ACACA: variants seen among roughly 807,000 people sequenced by gnomAD.
The protein encoded by ACACA is acetyl-CoA carboxylase 1.
In ACACA, 103 loss-of-function variants were observed where a neutral mutation model predicts 296.1. The ratio of observed to expected loss-of-function variants is 0.35; its 90% CI spans 0.30 to 0.41. The LOEUF (loss-of-function observed/expected upper bound fraction) is 0.41. Ranked by LOEUF, ACACA falls within the 10% of genes least tolerant of loss-of-function variation. The pLI is 1.00. For synonymous variants in ACACA, 953 were observed against 1,038.6 expected (o/e 0.92, Z 1.58); for missense variants, 1,554 against 2,989.7 (o/e 0.52, Z 11.20).
At chr17:37,252,713 G>A (rs976474698) in intron 15 of ACACA, among the ~76,000 whole-genome samples, 173 bp downstream of exon 15, 16 of 152,160 alleles carry the variant, frequency 1.1e-4, no homozygotes, top group African/African-American at 3.9e-4. Context: ...ATGACTGTGT[G>A]ACACAAGCAC....
chr17:37,285,970 C>A (rs1325579634), intron 3 of ACACA, among the ~76,000 whole-genome samples: 1 of 152,188 alleles, frequency 6.6e-6, no homozygotes, highest in Non-Finnish European at 1.5e-5. Context: ...CAACTCACTA[C>A]AACCTTCGAC....
In ACACA at chr17:37,141,915, C is replaced by T. The variant is rs552630268; in HGVS notation, c.5679+7949G>A. 1.5e-4 allele frequency among the ~76,000 whole-genome samples: 22 copies of T among 151,668 alleles called. No homozygotes were observed. The East Asian group carries it at 4.3e-3, about 29-fold the overall frequency. Reference sequence around the variant, plus strand: ...CATGTTGGCCAGGCTGGTCTCAAACCACTGACCTCAGGTGATCCGCCTGCC... The same window carrying T: ...CATGTTGGCCAGGCTGGTCTCAAACTACTGACCTCAGGTGATCCGCCTGCC... On this transcript the variant is annotated intron_variant, in intron 45 of 55. Transcript: ENST00000616317.
chr17:37,267,008 C>T (rs2081812823), intron 10 of ACACA, among the ~76,000 whole-genome samples: 1 of 152,192 alleles, frequency 6.6e-6, no homozygotes, highest in African/African-American at 2.4e-5. Flanking sequence ...TCAGCCTACA[C>T]CTATGAGCCA....
intron 5 of ACACA, among the ~76,000 whole-genome samples, chr17:37,282,843 A>G (rs2082604332): frequency 6.6e-6 from 1 of 152,184 alleles, no homozygotes; most frequent in Non-Finnish European, 1.5e-5. Context: ...CGGTCCCAAA[A>G]GGTCTCTCCC....
intron 45 of ACACA, among the ~76,000 whole-genome samples, chr17:37,146,307 G>A (rs977761210): frequency 2.6e-5 from 4 of 152,078 alleles, no homozygotes; most frequent in Non-Finnish European, 5.9e-5. Flanking sequence ...GAAAATGCAT[G>A]TCTCTTCAGC....
At chr17:37,124,660 T>A (rs1398694249) in intron 48 of ACACA, among the ~76,000 whole-genome samples, 6 of 151,812 alleles carry the variant, frequency 4.0e-5, no homozygotes, top group Non-Finnish European at 8.8e-5. Context: ...AAGCCTGGGG[T>A]GAGATAAAAG....
At position 37,270,833 on chromosome 17, in the gene ACACA, A is replaced by G; in HGVS notation, c.1037T>C (p.Met346Thr). The G allele has an allele frequency of 6.2e-7, 1 of 1,613,814 alleles. No homozygotes were observed. ...TCCTCCTCCCTCTGAGGCCTTGATC[A>G]TTACTGGATATCCAACTTCCTCAGC... ...QAAEEVGYPV[M>T]IKASEGGGGK... Residue 346 changes from methionine (M) to threonine (T), a missense_variant, in exon 10 of 56, where the codon ATG becomes ACG. This residue lies in a region of ACACA where 82 missense variants were observed against 185.2 expected (regional missense o/e 0.44). Transcript: ENST00000616317.
At chr17:37,263,646 A>G (rs2081615505) in intron 11 of ACACA, 39 bp downstream of exon 11, 1 of 1,543,930 alleles carries the variant, frequency 6.5e-7, no homozygotes, top group Non-Finnish European at 9.0e-7. Flanking sequence ...AAAATGTTCT[A>G]TGTAAGAAAA....
At chr17:37,349,539 G>T (rs2048797504) in intron 1 of ACACA, among the ~76,000 whole-genome samples, 1 of 147,244 alleles carries the variant, frequency 6.8e-6, no homozygotes, top group African/African-American at 2.5e-5. Context: ...GTGCGCGCGT[G>T]TGTGTGTGTA....
chr17:37,376,193 A>G, intron 1 of ACACA: 1 of 1,530,212 alleles, frequency 6.5e-7, no homozygotes, highest in South Asian at 1.1e-5. Context: ...ATACAGAGAG[A>G]GGCCTAGAAA....
At chr17:37,370,179 T>C (rs1294804349) in intron 1 of ACACA, among the ~76,000 whole-genome samples, 1 of 151,640 alleles carries the variant, frequency 6.6e-6, no homozygotes, top group African/African-American at 2.4e-5. Flanking sequence ...CTAATTTTTG[T>C]ATATTTAGTA....
At chr17:37,289,524 A>G in intron 3 of ACACA, 1 of 1,349,998 alleles carries the variant, frequency 7.4e-7, no homozygotes, top group South Asian at 1.1e-5. Context: ...CGAGTATTTC[A>G]AAGTCTGAGG....
rs183391383 is a variant in ACACA, at chr17:37,151,224, T to C, written c.5568+77A>G. 7,886 of 1,537,906 alleles carry C rather than the reference T, an allele frequency of 5.1e-3. 25 individuals are homozygous for C. Among genetic ancestry groups the C allele is most frequent in the Non-Finnish European group, 6.2e-3 (6,881 of 1,116,026 alleles). On this transcript the variant is annotated intron_variant, in intron 44 of 55. Coordinates refer to ENST00000616317, the MANE Select transcript of ACACA (RefSeq NM_198834.3). Reference sequence around the variant, plus strand: ...AGAAATGCTCTCATTTGGGACTGAATAGCAGTGATAAGAGAAAAAAATAAA... The same window carrying C: ...AGAAATGCTCTCATTTGGGACTGAACAGCAGTGATAAGAGAAAAAAATAAA...
At chr17:37,287,675 G>A (rs1041917828) in intron 3 of ACACA, among the ~76,000 whole-genome samples, 50 of 151,612 alleles carry the variant, frequency 3.3e-4, no homozygotes, top group African/African-American at 1.1e-3. Context: ...CCCAGGGGGC[G>A]GAGGTTGCAG....
chr17:37,113,258 G>A lies in ACACA; in HGVS notation c.6282C>T (p.Tyr2094=), dbSNP rs372559158. The change falls in exon 51 of 56, where the codon TAC becomes TAT. Residue 2094 remains tyrosine, a synonymous_variant. Coordinates refer to ENST00000616317, the MANE Select transcript of ACACA (RefSeq NM_198834.3). The surrounding 1 kb of genome is among the most constrained non-coding windows in gnomAD (Gnocchi z 4.0). ...AAGCACCAAACTTCAGCACTTGGTC[G>A]TACATATCTATGGAGAATGAGACAA... ...RGFSGGMKDM[Y]DQVLKFGAYI... is the part of the protein sequence containing the mutation. 47 of 1,613,926 alleles carry A rather than the reference G, an allele frequency of 2.9e-5. No homozygotes were observed. The highest frequency in any genetic ancestry group is 9.3e-5 in the African/African-American group (7 of 74,908).
At chr17:37,271,953 C>T (rs1196703042) in intron 9 of ACACA, among the ~76,000 whole-genome samples, 1 of 152,202 alleles carries the variant, frequency 6.6e-6, no homozygotes, top group African/African-American at 2.4e-5. Flanking sequence ...GCTTGGGCAA[C>T]AAAGTGAGAC....
At chr17:37,192,685 A>G (rs147569787) in intron 36 of ACACA, among the ~76,000 whole-genome samples, 7 of 152,308 alleles carry the variant, frequency 4.6e-5, no homozygotes, top group African/African-American at 1.7e-4. Flanking sequence ...TTCACATGCC[A>G]ATGTTTTGAG....
At chr17:37,189,448 G>A (rs541383261) in intron 38 of ACACA, among the ~76,000 whole-genome samples, 113 of 152,178 alleles carry the variant, frequency 7.4e-4, no homozygotes, top group Middle Eastern at 3.4e-3. Context: ...TGAATTTCAG[G>A]GAGTTAACCT....
At chr17:37,208,494 T>G (rs2078608152) in intron 30 of ACACA, among the ~76,000 whole-genome samples, 1 of 152,110 alleles carries the variant, frequency 6.6e-6, no homozygotes, top group African/African-American at 2.4e-5. Flanking sequence ...AAATTGCACG[T>G]TTTTCTTTTC....
Sources: gnomAD v4.1 joint callset for allele counts (sites outside exome capture counted in the v4.1 genomes callset) on GRCh38, gnomAD v4.1.1 for gene constraint, gnomAD v4.1.1 regional missense constraint, Gnocchi (gnomAD v3.1) non-coding constraint, MANE v1.5 for transcripts, NCBI Gene and HGNC (gene_info 2026-07-23, HGNC 2026-07-21) for gene names.